Variants in GPD2 observed in about 807,000 individuals in gnomAD.
GPD2 encodes glycerol-3-phosphate dehydrogenase, mitochondrial.
A neutral mutation model predicts 82.4 loss-of-function variants in GPD2; 54 were observed. The ratio of observed to expected loss-of-function variants is 0.66; its 90% CI spans 0.53 to 0.82. GPD2 has a LOEUF of 0.82. Ranked by LOEUF, GPD2 falls within the 40% of genes least tolerant of loss-of-function variation. The pLI is 0.00. For missense variants in GPD2, 748 were observed against 896.2 expected (o/e 0.83, Z 2.11); for synonymous variants, 288 against 306.1 (o/e 0.94, Z 0.62).
At chr2:156,527,631 A>C (rs1038641106) in intron 6 of GPD2, among the ~76,000 whole-genome samples, 1 of 152,140 alleles carries the variant, frequency 6.6e-6, no homozygotes, top group African/African-American at 2.4e-5. Context: ...ATGATTTGCT[A>C]TCTATTCAGA....
chr2:156,425,329 G>A, the GPD2 span, among the ~76,000 whole-genome samples: 1 of 151,992 alleles, frequency 6.6e-6, no homozygotes, highest in African/African-American at 2.4e-5. Flanking sequence ...TTCTTGCTTT[G>A]ATCTCCCAAA....
chr2:156,470,307 C>T (rs1367537248), intron 1 of GPD2, among the ~76,000 whole-genome samples: 3 of 151,912 alleles, frequency 2.0e-5, no homozygotes, highest in Non-Finnish European at 2.9e-5. Flanking sequence ...TGATTCCTCC[C>T]ACTTTGGCCT....
At chr2:156,491,914 G>A (rs1007008406) in intron 2 of GPD2, among the ~76,000 whole-genome samples, 1 of 151,506 alleles carries the variant, frequency 6.6e-6, no homozygotes, top group Admixed American at 6.6e-5. Flanking sequence ...CAGCTACTCA[G>A]GAGGCTGAGG....
chr2:156,531,148 T>G (rs552991630), intron 6 of GPD2, among the ~76,000 whole-genome samples: 1 of 152,332 alleles, frequency 6.6e-6, no homozygotes, highest in East Asian at 1.9e-4. Flanking sequence ...TTGCTACATT[T>G]GCTGTTTAAT....
chr2:156,514,396 A>T (rs992842436), intron 6 of GPD2, among the ~76,000 whole-genome samples: 1 of 151,944 alleles, frequency 6.6e-6, no homozygotes. Context: ...CTTAGATTTT[A>T]TACCTCAGTG....
chr2:156,471,608 G>A (rs770287724), intron 1 of GPD2, among the ~76,000 whole-genome samples: 12 of 151,766 alleles, frequency 7.9e-5, no homozygotes, highest in Non-Finnish European at 1.8e-4. Context: ...TCTCTATAAC[G>A]TTCCCTACTC....
At chr2:156,485,222 C>T (rs1683895632) in intron 2 of GPD2, among the ~76,000 whole-genome samples, 1 of 152,178 alleles carries the variant, frequency 6.6e-6, no homozygotes, top group Non-Finnish European at 1.5e-5. Context: ...GGATATCTAA[C>T]ACTGTAGTTC....
In GPD2 at chr2:156,459,686, C is replaced by CAAAAAAAAA. The variant is rs564494059; in HGVS notation, c.-8-16397_-8-16389dup. On this transcript the variant is annotated intron_variant, in intron 1 of 16. Transcript: ENST00000438166. ...CTGGCGACAGAGCAAGACTCCGTCT[C>CAAAAAAAAA]AAAAAAAAAAAAAAAAAAAAAAAGA... 1.1e-3 allele frequency among the ~76,000 whole-genome samples: 42 copies of CAAAAAAAAA among 38,708 alleles called. 6 individuals are homozygous for CAAAAAAAAA. The highest frequency in any genetic ancestry group is 2.7e-3 in the African/African-American group (26 of 9,540). The allele number at this position is 38,708 out of a possible 152,430, so 25.4% of individuals were successfully genotyped here. A position where few individuals can be genotyped will look rare whatever the true frequency, so the allele number is the denominator to read the frequency against.
Position 156,568,873 on chromosome 2 carries a change from T to C in GPD2, c.1214T>C (p.Val405Ala). The C allele has an allele frequency of 6.2e-7, 1 of 1,612,740 alleles. No homozygotes were observed. ...GCATGGAGTGGAATCCGTCCTCTTG[T>C]TACAGACCCCAAATCTGCAGATACT... ...LAAWSGIRPL[V>A]TDPKSADTQS... Residue 405 changes from valine (V) to alanine (A), a missense_variant, in exon 10 of 17, where the codon GTT (valine) becomes GCT (alanine). Physicochemically the swap from Val to Ala is moderately conservative, Grantham distance 64. Coordinates refer to ENST00000438166, the MANE Select transcript of GPD2 (RefSeq NM_000408.5).
chr2:156,546,864 T>C (rs1289675910), intron 6 of GPD2, among the ~76,000 whole-genome samples: 2 of 152,130 alleles, frequency 1.3e-5, no homozygotes, highest in Non-Finnish European at 2.9e-5. Context: ...GTCTGAAATT[T>C]CTTTAACAAG....
chr2:156,558,887 A>T (rs1687064893), intron 9 of GPD2, among the ~76,000 whole-genome samples: 1 of 144,422 alleles, frequency 6.9e-6, no homozygotes, highest in Non-Finnish European at 1.5e-5. Flanking sequence ...AAGTGCTGGG[A>T]TTACAGGAGT....
chr2:156,484,292 C>T (rs1683850103), intron 2 of GPD2, among the ~76,000 whole-genome samples: 1 of 151,876 alleles, frequency 6.6e-6, no homozygotes, highest in Non-Finnish European at 1.5e-5. Context: ...CCTGCCACCA[C>T]GGCCGGCTAA....
At chr2:156,452,069 A>G (rs1021626187) in intron 1 of GPD2, among the ~76,000 whole-genome samples, 35 of 148,056 alleles carry the variant, frequency 2.4e-4, no homozygotes, top group Non-Finnish European at 4.6e-4. Context: ...CACTTTCCAG[A>G]CTGGGCAGCC....
At position 156,555,005 on chromosome 2, in the gene GPD2, A is replaced by G. The variant is rs890962667; in HGVS notation, c.972-2384A>G. On this transcript the variant is annotated intron_variant, in intron 8 of 16. Coordinates refer to ENST00000438166, the MANE Select transcript of GPD2 (RefSeq NM_000408.5). ...AATCATATATATTGAAAAAAGACCT[A>G]TGCCTTGTTGCATTGCGTATACTAT... 2.6e-5 allele frequency among the ~76,000 whole-genome samples: 4 copies of G among 152,356 alleles called. 1 individual carries two copies. The South Asian group carries it at 8.3e-4, about 32-fold the overall frequency.
At chr2:156,489,135 G>T (rs1684056220) in intron 2 of GPD2, among the ~76,000 whole-genome samples, 1 of 152,194 alleles carries the variant, frequency 6.6e-6, no homozygotes, top group Non-Finnish European at 1.5e-5. Flanking sequence ...AGGGGATAGA[G>T]TGATGAGGTA....
At chr2:156,492,048 GT>G in intron 2 of GPD2, among the ~76,000 whole-genome samples, 1 of 145,632 alleles carries the variant, frequency 6.9e-6, no homozygotes, top group South Asian at 2.2e-4. Context: ...CTCCCAAACT[GT>G]TTTCCAAAAT....
In GPD2 at chr2:156,509,765, C is replaced by CTTTTTTTT. The variant is rs60361072; in HGVS notation, c.275-1019_275-1012dup. ...CTTTCCTTATCAAGAATATGTTCTTCTTTTTTTTTTTTTTTTTTTATTTCC... is the reference window on the plus strand; with the variant it reads ...CTTTCCTTATCAAGAATATGTTCTTCTTTTTTTTTTTTTTTTTTTTTTTTTTTATTTCC... On this transcript the variant is annotated intron_variant, in intron 3 of 16. Transcript: ENST00000438166. Among the ~76,000 whole-genome samples, 129 of 117,366 alleles carry CTTTTTTTT rather than the reference C, an allele frequency of 1.1e-3. 2 individuals carry two copies. The highest frequency in any genetic ancestry group is 3.3e-3 in the East Asian group (13 of 3,908). The allele number at this position is 117,366 out of a possible 152,430, so 77.0% of individuals were successfully genotyped here.
chr2:156,570,305 C>A, intron 12 of GPD2, 87 bp downstream of exon 12: 2 of 1,278,670 alleles, frequency 1.6e-6, no homozygotes, highest in Non-Finnish European at 2.3e-6. Flanking sequence ...TTATATGTAG[C>A]TAAGTTTTAA....
chr2:156,552,880 CT>C (rs1686812235), intron 8 of GPD2, among the ~76,000 whole-genome samples: 1 of 141,248 alleles, frequency 7.1e-6, no homozygotes, highest in African/African-American at 2.6e-5. Context: ...CTTTCAGCTT[CT>C]GGTTCCTTAT....
Sources: gnomAD v4.1 joint callset for allele counts (sites outside exome capture counted in the v4.1 genomes callset) on GRCh38, gnomAD v4.1.1 for gene constraint, MANE v1.5 for transcripts, NCBI Gene and HGNC (gene_info 2026-07-23, HGNC 2026-07-21) for gene names.